STMN1: variants seen among roughly 807,000 people sequenced by gnomAD.
STMN1 encodes the protein stathmin 1, also known as stathmin.
STMN1 carries 3 observed loss-of-function variants against 19.7 expected under a neutral mutation model. The ratio of observed to expected loss-of-function variants is 0.15; its 90% CI spans 0.07 to 0.39. STMN1 has a LOEUF of 0.39. STMN1 is among the 10% of genes least tolerant of loss of function. The probability of loss-of-function intolerance (pLI) is 1.00; values close to 1 mark genes in which losing one functional copy is unlikely to be tolerated. For missense variants in STMN1, 99 were observed against 176.0 expected, an observed-to-expected ratio of 0.56 and a Z score of 2.48; for synonymous variants, 59 against 58.9, an observed-to-expected ratio of 1.00 and a Z score of -0.01.
rs967366754 is a variant in STMN1 at position 25,900,272 on chromosome 1, C to T, written c.*744G>A. The T allele has an allele frequency of 1.4e-5, 14 of 985,714 alleles. No homozygotes were observed. Among genetic ancestry groups the T allele is most frequent in the Middle Eastern group, 5.2e-4 (1 of 1,936 alleles). The allele number at this position is 985,714 out of a possible 1,614,324, so 61.1% of individuals were successfully genotyped here. A position where few individuals can be genotyped will look rare whatever the true frequency, so the allele number is the denominator to read the frequency against. ...CTCTCTCAACTGTTCTCTAGAAACA[C>T]GCTTGTGCTTTTAATCTGCCTTTTA... On this transcript the variant is annotated 3_prime_UTR_variant, in exon 5 of 5. Coordinates refer to ENST00000455785, the MANE Select transcript of STMN1 (RefSeq NM_005563.4).
At chr1:25,891,438 A>G (rs1290316058) in intron 4 of STMN1, among the ~76,000 whole-genome samples, 1 of 152,078 alleles carries the variant, frequency 6.6e-6, no homozygotes, top group Non-Finnish European at 1.5e-5. Context: ...AAGAAAAGAG[A>G]GGAGGGAGAA....
chr1:25,885,597 A>C, exon 5 of STMN1: 1 of 1,258,700 alleles, frequency 7.9e-7, no homozygotes. Context: ...ACTGGCTGGT[A>C]TTAGAATCCA....
At chr1:25,890,007 T>C (rs907123626) in intron 4 of STMN1, among the ~76,000 whole-genome samples, 1 of 152,162 alleles carries the variant, frequency 6.6e-6, no homozygotes, top group Non-Finnish European at 1.5e-5. Flanking sequence ...CTAATCTCTT[T>C]TATAGTCTGT....
intron 4 of STMN1, chr1:25,892,704 G>GC (rs2048786986): frequency 3.4e-6 from 2 of 589,904 alleles, no homozygotes; most frequent in South Asian, 1.5e-4. Flanking sequence ...AGCCTTCCTG[G>GC]CCCGGGCACA....
Position 25,900,880 on chromosome 1 carries a change from G to A in STMN1, c.*136C>T. On this transcript the variant is annotated 3_prime_UTR_variant, in exon 5 of 5. Coordinates refer to ENST00000455785, the MANE Select transcript of STMN1 (RefSeq NM_005563.4). ...CCCTAAAACAACATCTTACAGTCTGGATCTGGATCTACCTATACAGTCCTA... is the reference window on the plus strand; with the variant it reads ...CCCTAAAACAACATCTTACAGTCTGAATCTGGATCTACCTATACAGTCCTA... The A allele has an allele frequency of 6.8e-7, 1 of 1,466,986 alleles. No individual in the cohort carries two copies. Among genetic ancestry groups the A allele is most frequent in the Non-Finnish European group, 9.0e-7 (1 of 1,109,616 alleles). 90.9% of individuals were successfully genotyped at this position (1,466,986 alleles called of 1,614,324 possible). A position where few individuals can be genotyped will look rare whatever the true frequency, so the allele number is the denominator to read the frequency against.
downstream of STMN1, chr1:25,884,984 C>T (rs17163344): frequency 0.053 from 8,098 of 153,732 alleles, 693 homozygotes; most frequent in African/African-American, 0.18. Context: ...TTGGTATCTA[C>T]AGGAGGAGGT....
chr1:25,893,697 C>T (rs988519887), intron 4 of STMN1, among the ~76,000 whole-genome samples: 42 of 152,268 alleles, frequency 2.8e-4, no homozygotes, highest in South Asian at 2.1e-4. Context: ...CCCGCCATCA[C>T]GCCTGGCTAA....
intron 4 of STMN1, among the ~76,000 whole-genome samples, chr1:25,892,997 G>A (rs759080976): frequency 6.6e-6 from 1 of 152,132 alleles, no homozygotes; most frequent in Non-Finnish European, 1.5e-5. Flanking sequence ...TAATACTTCT[G>A]TAAAATTTTA....
At chr1:25,899,560 GTC>G (rs1382410137), downstream of STMN1, among the ~76,000 whole-genome samples, 4 of 152,198 alleles carry the variant, frequency 2.6e-5, no homozygotes, top group Admixed American at 1.3e-4. Context: ...AAATTTAAAA[GTC>G]AATTTAAGGA....
chr1:25,904,622 T>C, intron 2 of STMN1, 42 bp downstream of exon 2: 7 of 1,582,722 alleles, frequency 4.4e-6, no homozygotes, highest in Middle Eastern at 1.7e-4. Flanking sequence ...TCTAAAATCA[T>C]AAGCCCATTA....
At chr1:25,885,811 G>A in exon 5 of STMN1, 1 of 1,551,756 alleles carries the variant, frequency 6.4e-7, no homozygotes, top group South Asian at 1.2e-5. Context: ...GTGGAGACAA[G>A]ATTGCTCAGC....
At chr1:25,898,094 T>C (rs1377842496), downstream of STMN1, among the ~76,000 whole-genome samples, 1 of 152,106 alleles carries the variant, frequency 6.6e-6, no homozygotes, top group African/African-American at 2.4e-5. Context: ...ATGGTTTTGT[T>C]ACTGACCACT....
At chr1:25,889,867 C>A (rs1049500660) in intron 4 of STMN1, among the ~76,000 whole-genome samples, 2 of 152,220 alleles carry the variant, frequency 1.3e-5, no homozygotes, top group African/African-American at 4.8e-5. Context: ...CTCACTTAGG[C>A]TCCTTCCTCA....
At chr1:25,885,960 G>A in intron 4 of STMN1, 1 of 1,410,104 alleles carries the variant, frequency 7.1e-7, no homozygotes, top group Non-Finnish European at 9.3e-7. Flanking sequence ...CTAAAACAGT[G>A]GTTCTCAAAC....
downstream of STMN1, among the ~76,000 whole-genome samples, chr1:25,896,174 T>C (rs2048816811): frequency 6.6e-6 from 1 of 152,222 alleles, no homozygotes; most frequent in South Asian, 2.1e-4. Context: ...TTGCTAGTTG[T>C]CATTTTAGGT....
chr1:25,904,493 G>C (rs1306282503), intron 2 of STMN1, among the ~76,000 whole-genome samples, 171 bp downstream of exon 2: 1 of 152,072 alleles, frequency 6.6e-6, no homozygotes, highest in South Asian at 2.1e-4. Context: ...AAACAATTAC[G>C]AGCTCTCGGC....
chr1:25,890,718 G>A (rs754956463), intron 4 of STMN1, among the ~76,000 whole-genome samples: 1 of 152,162 alleles, frequency 6.6e-6, no homozygotes, highest in African/African-American at 2.4e-5. Flanking sequence ...CATTTCATCC[G>A]TAGGTCGGCC....
intron 4 of STMN1, among the ~76,000 whole-genome samples, chr1:25,893,946 A>G (rs941924341): frequency 6.6e-6 from 1 of 152,112 alleles, no homozygotes; most frequent in Non-Finnish European, 1.5e-5. Context: ...TGGGGAGGTA[A>G]AAAGTAGAGA....
chr1:25,897,291 C>G (rs369180350), downstream of STMN1, among the ~76,000 whole-genome samples: 5 of 130,876 alleles, frequency 3.8e-5, no homozygotes, highest in Non-Finnish European at 7.8e-5. Context: ...CCAGCCTGGG[C>G]AACAGAGCAA....
Sources: gnomAD v4.1 joint callset for allele counts (sites outside exome capture counted in the v4.1 genomes callset) on GRCh38, gnomAD v4.1.1 for gene constraint, MANE v1.5 for transcripts, NCBI Gene and HGNC (gene_info 2026-07-23, HGNC 2026-07-21) for gene names.